The following RYR3 variants were observed in gnomAD, a reference collection of about 807,000 sequenced individuals.
RYR3 encodes the protein ryanodine receptor 3.
In RYR3, 207 loss-of-function variants were observed where a neutral mutation model predicts 584.3. The observed-to-expected ratio is 0.35, with a 90% CI of 0.32 to 0.40. The LOEUF is 0.40. Among genes scored for constraint, RYR3 ranks in the 10% least tolerant of loss-of-function variants. The probability of loss-of-function intolerance (pLI) is 1.00; values close to 1 mark genes in which losing one functional copy is unlikely to be tolerated. For synonymous variants in RYR3, 2,416 were observed against 2,248.5 expected, an observed-to-expected ratio of 1.07 and a Z score of -2.11; for missense variants, 5,616 against 6,089.2, an observed-to-expected ratio of 0.92 and a Z score of 2.59.
At chr15:33,623,396 G>T (rs2060823863) in intron 19 of RYR3, among the ~76,000 whole-genome samples, 1 of 151,910 alleles carries the variant, frequency 6.6e-6, no homozygotes, top group Admixed American at 6.6e-5. Flanking sequence ...CTGATGTGTG[G>T]ATAATCTCCC....
At chr15:33,654,755 A>G (rs2062724775) in intron 32 of RYR3, among the ~76,000 whole-genome samples, 1 of 152,206 alleles carries the variant, frequency 6.6e-6, no homozygotes, top group Admixed American at 6.5e-5. Context: ...AGGGCATCCA[A>G]CAGTTTTTCA....
At position 33,662,138 on chromosome 15, in the gene RYR3, T is replaced by A. The variant is rs1299773884; in HGVS notation, c.4623-15T>A. ...TTCTCCCCCTGGTGTGGCTGATTGC[T>A]CGTCCTGTCCTCAGGTGTGTGGATA... On this transcript the variant is annotated splice_polypyrimidine_tract_variant and intron_variant, in intron 34 of 103. Coordinates refer to ENST00000634891, the MANE Select transcript of RYR3 (RefSeq NM_001036.6). The A allele has an allele frequency of 1.3e-6, 2 of 1,552,394 alleles. No homozygotes were observed. Among genetic ancestry groups the A allele is most frequent in the Non-Finnish European group, 1.7e-6 (2 of 1,148,166 alleles).
intron 27 of RYR3, among the ~76,000 whole-genome samples, chr15:33,642,903 C>T (rs1595941113): frequency 6.6e-6 from 1 of 152,304 alleles, no homozygotes. Context: ...TTGACATTCT[C>T]TTTCATTTAG....
At chr15:33,397,283 AG>A (rs760007869) in intron 1 of RYR3, among the ~76,000 whole-genome samples, 5 of 152,228 alleles carry the variant, frequency 3.3e-5, no homozygotes, top group Non-Finnish European at 7.3e-5. Context: ...CATATTCAGC[AG>A]GTTACAAAAG....
chr15:33,769,502 G>A (rs2073392641), intron 62 of RYR3, among the ~76,000 whole-genome samples: 2 of 151,688 alleles, frequency 1.3e-5, no homozygotes. Context: ...ATGAACCACA[G>A]CGCTCTGAAT....
intron 1 of RYR3, among the ~76,000 whole-genome samples, chr15:33,380,415 T>G (rs1202314105): frequency 6.6e-6 from 1 of 152,172 alleles, no homozygotes; most frequent in Non-Finnish European, 1.5e-5. Flanking sequence ...CAGCATTCTA[T>G]TTTAAGACAT....
intron 1 of RYR3, among the ~76,000 whole-genome samples, chr15:33,357,268 T>A (rs1974112290): frequency 6.6e-6 from 1 of 152,182 alleles, no homozygotes; most frequent in South Asian, 2.1e-4. Context: ...TCAAGAAAGA[T>A]TTTCTTAATA....
Position 33,659,656 on chromosome 15 carries a change from GGCTGA to G in RYR3, c.4309-61_4309-57del, listed in dbSNP as rs1396888379. On this transcript the variant is annotated intron_variant, in intron 32 of 103. Coordinates refer to ENST00000634891, the MANE Select transcript of RYR3 (RefSeq NM_001036.6). ...GAGATTGTTGACCAAAACACCCAAT[GGCTGA>G]GCCAGCTGTGTTGTTTGTCCAGCTC... is the stretch of plus-strand genomic sequence containing the variant. 6.5e-6 allele frequency: 7 copies of G among 1,073,800 alleles called. No individual in the cohort carries two copies. The East Asian group carries it at 1.7e-4, about 26-fold the overall frequency. 66.5% of individuals were successfully genotyped at this position (1,073,800 alleles called of 1,614,324 possible).
intron 16 of RYR3, among the ~76,000 whole-genome samples, chr15:33,594,398 T>A (rs675987): frequency 7.9e-5 from 12 of 152,112 alleles, no homozygotes; most frequent in South Asian, 4.1e-4. Context: ...ACAAATATGC[T>A]CCAAATTTTG....
Position 33,630,707 on chromosome 15 carries a change from G to A in RYR3, c.2784-503G>A, listed in dbSNP as rs1054483746. ...TTTAAGCACAGCTCATGCCCTTACA[G>A]GCATCATGCAGTAAATATTTGCTGA... On this transcript the variant is annotated intron_variant, in intron 22 of 103. Transcript: ENST00000634891. Among the ~76,000 whole-genome samples the A allele has an allele frequency of 2.0e-5, 3 of 152,198 alleles. No homozygotes were observed. In the South Asian group the frequency reaches 6.2e-4, roughly 32 times the overall value.
chr15:33,562,176 C>T (rs1382406369), intron 10 of RYR3, among the ~76,000 whole-genome samples: 2 of 152,162 alleles, frequency 1.3e-5, no homozygotes. Flanking sequence ...GAGTTGTTAC[C>T]TGGTGCACAG....
At chr15:33,460,021 C>G (rs1400486522) in intron 1 of RYR3, among the ~76,000 whole-genome samples, 1 of 152,034 alleles carries the variant, frequency 6.6e-6, no homozygotes, top group Non-Finnish European at 1.5e-5. Flanking sequence ...GGTTTTTAAA[C>G]TAGATTTTGG....
chr15:33,471,458 C>A (rs557874028), intron 1 of RYR3, among the ~76,000 whole-genome samples: 4 of 152,148 alleles, frequency 2.6e-5, no homozygotes, highest in Admixed American at 2.6e-4. Context: ...AGGGAGACCC[C>A]AAGGCAGCTA....
chr15:33,515,505 T>A (rs1207906042), intron 3 of RYR3, among the ~76,000 whole-genome samples: 2 of 152,250 alleles, frequency 1.3e-5, no homozygotes, highest in Non-Finnish European at 2.9e-5. Context: ...GGAATGCCAA[T>A]TCCTCTTTTC....
At position 33,758,432 on chromosome 15, in the gene RYR3, C is replaced by T. The variant is rs574674550; in HGVS notation, c.8705+836C>T. On this transcript the variant is annotated intron_variant, in intron 60 of 103. Coordinates refer to ENST00000634891, the MANE Select transcript of RYR3 (RefSeq NM_001036.6). ...TGCCAGCCCAACGGTCTGAAGTCGA[C>T]CTGGGACACTCGGGCTTGGTTGGGG... Among the ~76,000 whole-genome samples the T allele has an allele frequency of 5.9e-5, 9 of 152,272 alleles. No individual in the cohort carries two copies. In the South Asian group the frequency reaches 1.7e-3, roughly 28 times the overall value.
intron 4 of RYR3, among the ~76,000 whole-genome samples, chr15:33,532,009 TA>T (rs1031774873): frequency 6.6e-6 from 1 of 151,928 alleles, no homozygotes; most frequent in Non-Finnish European, 1.5e-5. Flanking sequence ...TTACCCCTCC[TA>T]AAAAAAAGTT....
intron 1 of RYR3, among the ~76,000 whole-genome samples, chr15:33,454,298 T>A (rs1395325332): frequency 6.6e-6 from 1 of 152,188 alleles, no homozygotes; most frequent in Non-Finnish European, 1.5e-5. Context: ...GTAAAACTGT[T>A]TAAACCTGAC....
intron 20 of RYR3, among the ~76,000 whole-genome samples, chr15:33,625,711 A>G (rs1460590058): frequency 1.3e-5 from 2 of 152,264 alleles, no homozygotes; most frequent in East Asian, 3.9e-4. Context: ...CTTCTGGGAA[A>G]ATAAGTGTCT....
chr15:33,608,582 T>C (rs2060020200), intron 18 of RYR3, among the ~76,000 whole-genome samples: 1 of 152,220 alleles, frequency 6.6e-6, no homozygotes, highest in African/African-American at 2.4e-5. Context: ...CTTATCCAAA[T>C]AGTCTTCCCA....
Sources: allele counts gnomAD v4.1 joint callset (sites outside exome capture counted in the v4.1 genomes callset), GRCh38; gene constraint gnomAD v4.1.1; transcripts MANE v1.5; gene names NCBI Gene and HGNC (gene_info 2026-07-23, HGNC 2026-07-21).